Variants in QTMAN observed in about 807,000 individuals in gnomAD.
The protein encoded by QTMAN is tRNA-queuosine alpha-mannosyltransferase.
the QTMAN span, among the ~76,000 whole-genome samples, chr2:144,161,534 G>C: frequency 1.3e-5 from 2 of 151,978 alleles, no homozygotes; most frequent in Non-Finnish European, 2.9e-5. Flanking sequence ...GTATGACTAG[G>C]GAGGAAAGGA....
At chr2:144,053,676 A>G in the QTMAN span, among the ~76,000 whole-genome samples, 28 of 152,206 alleles carry the variant, frequency 1.8e-4, no homozygotes, top group Non-Finnish European at 1.2e-4. Flanking sequence ...ACTTGAAACC[A>G]GAGTTTCTGC....
chr2:144,277,583 T>C, the QTMAN span, among the ~76,000 whole-genome samples: 1 of 152,144 alleles, frequency 6.6e-6, no homozygotes, highest in Non-Finnish European at 1.5e-5. Flanking sequence ...TTATATACTA[T>C]AAGCTAAATA....
the QTMAN span, among the ~76,000 whole-genome samples, chr2:144,020,952 G>A: frequency 6.6e-6 from 1 of 150,914 alleles, no homozygotes; most frequent in East Asian, 1.9e-4. Context: ...ATGATAAAGT[G>A]GAGAAAATCT....
the QTMAN span, among the ~76,000 whole-genome samples, chr2:144,154,062 T>TA: frequency 1.3e-5 from 2 of 152,214 alleles, no homozygotes; most frequent in Admixed American, 1.3e-4. Flanking sequence ...TTAAGATTAG[T>TA]ATGTGACTCA....
the QTMAN span, among the ~76,000 whole-genome samples, chr2:144,152,304 G>C: frequency 6.6e-6 from 1 of 152,152 alleles, no homozygotes; most frequent in African/African-American, 2.4e-5. Context: ...ATCTATCCTT[G>C]CTGCCATCAT....
chr2:144,129,452 T>G, the QTMAN span, among the ~76,000 whole-genome samples: 4 of 151,972 alleles, frequency 2.6e-5, no homozygotes, highest in Non-Finnish European at 4.4e-5. Flanking sequence ...TGCCCACTAA[T>G]TATAGGTAAA....
the QTMAN span, among the ~76,000 whole-genome samples, chr2:144,330,951 CAAAT>C: frequency 6.6e-6 from 1 of 152,200 alleles, no homozygotes; most frequent in Admixed American, 6.5e-5. Context: ...ACACAATTTT[CAAAT>C]CAAGACTAAA....
At chr2:143,948,594 G>A in the QTMAN span, among the ~76,000 whole-genome samples, 4 of 152,016 alleles carry the variant, frequency 2.6e-5, no homozygotes, top group Admixed American at 2.6e-4. Context: ...GGTAATGAGG[G>A]AATAGCTATA....
chr2:144,283,395 C>G, the QTMAN span, among the ~76,000 whole-genome samples: 1 of 152,286 alleles, frequency 6.6e-6, no homozygotes, highest in East Asian at 1.9e-4. Flanking sequence ...GTGAAGTATT[C>G]TGTGCTGAGT....
the QTMAN span, among the ~76,000 whole-genome samples, chr2:144,054,125 T>C: frequency 1.3e-5 from 2 of 152,018 alleles, no homozygotes; most frequent in African/African-American, 2.4e-5. Flanking sequence ...GAGGCGGAGC[T>C]GGCAGTGAGC....
chr2:144,119,304 A>C, the QTMAN span, among the ~76,000 whole-genome samples: 1,688 of 152,322 alleles, frequency 0.011, 34 homozygotes, highest in African/African-American at 0.038. Flanking sequence ...ACCCTGAGAT[A>C]GTCACACCCC....
the QTMAN span, among the ~76,000 whole-genome samples, chr2:144,272,921 T>C: frequency 6.6e-6 from 1 of 152,192 alleles, no homozygotes; most frequent in African/African-American, 2.4e-5. Flanking sequence ...CGCATATTTT[T>C]TATATTGTTA....
the QTMAN span, among the ~76,000 whole-genome samples, chr2:143,969,986 C>T: frequency 6.6e-6 from 1 of 152,158 alleles, no homozygotes; most frequent in African/African-American, 2.4e-5. Context: ...TAATGCTGAA[C>T]ACCCAAAGCT....
At chr2:144,288,313 A>G in the QTMAN span, among the ~76,000 whole-genome samples, 1 of 152,216 alleles carries the variant, frequency 6.6e-6, no homozygotes, top group African/African-American at 2.4e-5. Context: ...GTACCACAAA[A>G]ATGACAATCT....
the QTMAN span, among the ~76,000 whole-genome samples, chr2:144,143,984 C>G: frequency 6.6e-6 from 1 of 151,938 alleles, no homozygotes; most frequent in East Asian, 1.9e-4. Flanking sequence ...CCTTTTGACA[C>G]TCTTATTTTT....
At chr2:144,187,712 A>C in the QTMAN span, among the ~76,000 whole-genome samples, 1 of 152,250 alleles carries the variant, frequency 6.6e-6, no homozygotes, top group Non-Finnish European at 1.5e-5. Flanking sequence ...CTGAAGGCAC[A>C]GAAAATGACA....
the QTMAN span, among the ~76,000 whole-genome samples, chr2:144,056,095 GCTATATTTTA>G: frequency 1.3e-5 from 2 of 152,146 alleles, no homozygotes; most frequent in African/African-American, 4.8e-5. Context: ...AGTGAGCTAT[GCTATATTTTA>G]CTATATATAG....
chr2:144,084,148 T>C, the QTMAN span, among the ~76,000 whole-genome samples: 1 of 152,186 alleles, frequency 6.6e-6, no homozygotes, highest in African/African-American at 2.4e-5. Context: ...ACTTATGCCA[T>C]GTGCCACGAG....
chr2:144,025,578 G>C, the QTMAN span, among the ~76,000 whole-genome samples: 1 of 152,168 alleles, frequency 6.6e-6, no homozygotes. Flanking sequence ...GGGCCTGTAG[G>C]GCAAGGTACA....
Sources: allele counts gnomAD v4.1 joint callset (sites outside exome capture counted in the v4.1 genomes callset), GRCh38; gene constraint gnomAD v4.1.1; transcripts MANE v1.5; gene names NCBI Gene and HGNC (gene_info 2026-07-23, HGNC 2026-07-21).